SNX8: variants seen among roughly 807,000 people sequenced by gnomAD.
SNX8 encodes sorting nexin-8.
Under a neutral mutation model 51.6 loss-of-function variants are expected in SNX8, and 25 were observed. That is an observed-to-expected ratio of 0.48 (90% confidence interval 0.35 to 0.68). The LOEUF is 0.68. Among genes scored for constraint, SNX8 ranks in the 30% least tolerant of loss-of-function variants. SNX8 has a pLI of 0.00. For missense variants in SNX8, 695 were observed against 624.0 expected (o/e 1.11, Z -1.21); for synonymous variants, 324 against 277.0 (o/e 1.17, Z -1.68).
At chr7:2,318,001 A>C (rs1796782636), upstream of SNX8, among the ~76,000 whole-genome samples, 1 of 152,094 alleles carries the variant, frequency 6.6e-6, no homozygotes, top group Admixed American at 6.6e-5. Flanking sequence ...TAATGTACTC[A>C]GCACTTTCCC....
intron 1 of SNX8, among the ~76,000 whole-genome samples, chr7:2,297,733 T>C (rs1383720486): frequency 1.3e-5 from 2 of 151,742 alleles, no homozygotes; most frequent in Non-Finnish European, 2.9e-5. Context: ...ATCATGTCTT[T>C]TGCAGCAACT....
chr7:2,284,997 G>A (rs1403787744), intron 1 of SNX8, among the ~76,000 whole-genome samples: 2 of 151,880 alleles, frequency 1.3e-5, no homozygotes, highest in African/African-American at 2.4e-5. Context: ...CGGATCACAA[G>A]GTCAGGAGAT....
chr7:2,342,432 T>A (rs1397412348), intron 1 of SNX8, among the ~76,000 whole-genome samples: 1 of 152,010 alleles, frequency 6.6e-6, no homozygotes, highest in African/African-American at 2.4e-5. Flanking sequence ...GGAGGGCGGA[T>A]CACTTGAGGT....
At chr7:2,343,953 A>T (rs1778976960) in intron 1 of SNX8, among the ~76,000 whole-genome samples, 1 of 151,570 alleles carries the variant, frequency 6.6e-6, no homozygotes, top group Admixed American at 6.6e-5. Flanking sequence ...GAATCGCTTG[A>T]ACTGGGGAGG....
At chr7:2,351,059 G>T (rs1038370030) in intron 1 of SNX8, among the ~76,000 whole-genome samples, 3 of 152,126 alleles carry the variant, frequency 2.0e-5, no homozygotes, top group African/African-American at 7.2e-5. Context: ...TGAGGCTGCA[G>T]TGAGCCATGA....
intron 1 of SNX8, among the ~76,000 whole-genome samples, chr7:2,278,675 T>C (rs1795842849): frequency 8.2e-6 from 1 of 121,522 alleles, no homozygotes; most frequent in Non-Finnish European, 1.7e-5. Flanking sequence ...GACGCCGGAC[T>C]CACTCACACT....
intron 1 of SNX8, among the ~76,000 whole-genome samples, chr7:2,311,066 TA>T (rs1484293088): frequency 2.0e-5 from 3 of 152,220 alleles, no homozygotes; most frequent in Admixed American, 2.0e-4. Context: ...ATTAAGTTTT[TA>T]TAAAGAGGGT....
chr7:2,342,035 G>A (rs1055505409), intron 1 of SNX8, among the ~76,000 whole-genome samples: 6 of 150,878 alleles, frequency 4.0e-5, no homozygotes, highest in Non-Finnish European at 5.9e-5. Context: ...TGAGACGGGC[G>A]GATCACAAGA....
At chr7:2,323,035 A>C (rs1025407371) in intron 1 of SNX8, among the ~76,000 whole-genome samples, 4 of 151,468 alleles carry the variant, frequency 2.6e-5, no homozygotes, top group Non-Finnish European at 5.9e-5. Context: ...TAAATAAATA[A>C]ATAAATGGTG....
intron 1 of SNX8, among the ~76,000 whole-genome samples, chr7:2,289,027 G>A (rs1419573861): frequency 1.3e-5 from 2 of 152,284 alleles, no homozygotes; most frequent in East Asian, 3.9e-4. Context: ...GTGAGCCTCT[G>A]CACCTGGCTT....
In SNX8 at chr7:2,298,755, G is replaced by A. The variant is rs141590561; in HGVS notation, c.94+15573C>T. Among the ~76,000 whole-genome samples, 936 of 150,968 alleles carry A rather than the reference G, an allele frequency of 6.2e-3. 25 individuals carry two copies. The highest frequency in any genetic ancestry group is 0.021 in the African/African-American group (844 of 40,874). Reference sequence around the variant, plus strand: ...CCCCCAGCCTGGAGTGCAGTGGCACGATCTCAGCTCACTGCAACCTCCACC... The same window carrying A: ...CCCCCAGCCTGGAGTGCAGTGGCACAATCTCAGCTCACTGCAACCTCCACC... On this transcript the variant is annotated intron_variant, in intron 1 of 10. Transcript: ENST00000222990.
intron 2 of SNX8, 62 bp from the exon 3 acceptor site, chr7:2,275,291 C>T: frequency 8.9e-7 from 1 of 1,122,044 alleles, no homozygotes; most frequent in Non-Finnish European, 1.4e-6. Context: ...CGTCACTTCC[C>T]CTCAACAGAG....
At chr7:2,314,249 G>A in intron 1 of SNX8, 79 bp downstream of exon 1, 1 of 1,205,214 alleles carries the variant, frequency 8.3e-7, no homozygotes, top group Non-Finnish European at 1.0e-6. Flanking sequence ...ACCAAGCGCG[G>A]CGGCTGAGCC....
chr7:2,342,665 A>T (rs561306287), intron 1 of SNX8, among the ~76,000 whole-genome samples: 18 of 151,982 alleles, frequency 1.2e-4, no homozygotes, highest in Admixed American at 1.2e-3. Flanking sequence ...CAAAAAAAAA[A>T]AAAGGATAGA....
chr7:2,307,494 C>G (rs1228134559), intron 1 of SNX8, among the ~76,000 whole-genome samples: 1 of 151,634 alleles, frequency 6.6e-6, no homozygotes, highest in Non-Finnish European at 1.5e-5. Context: ...TAGCCAGGTG[C>G]GGTGGTGGAC....
intron 3 of SNX8, among the ~76,000 whole-genome samples, chr7:2,274,173 G>A (rs147703809): frequency 7.2e-5 from 11 of 152,370 alleles, no homozygotes; most frequent in African/African-American, 2.4e-4. Flanking sequence ...CCTTCAGCGT[G>A]AGCTGAATGA....
intron 2 of SNX8, among the ~76,000 whole-genome samples, chr7:2,277,345 G>A (rs1795803155): frequency 6.6e-6 from 1 of 152,212 alleles, no homozygotes; most frequent in African/African-American, 2.4e-5. Flanking sequence ...GGGGATTAGA[G>A]TGACACATAT....
chr7:2,303,235 G>C (rs1796451788), intron 1 of SNX8, among the ~76,000 whole-genome samples: 1 of 140,172 alleles, frequency 7.1e-6, no homozygotes, highest in Non-Finnish European at 1.5e-5. Flanking sequence ...AGGGAGGTCA[G>C]GGGGTCAGCC....
At chr7:2,317,796 T>C (rs1003578409), upstream of SNX8, among the ~76,000 whole-genome samples, 2 of 152,110 alleles carry the variant, frequency 1.3e-5, no homozygotes, top group East Asian at 1.9e-4. Context: ...AGGCACACCA[T>C]TGATGCTCTC....
Sources: allele counts gnomAD v4.1 joint callset (sites outside exome capture counted in the v4.1 genomes callset), GRCh38; gene constraint gnomAD v4.1.1; transcripts MANE v1.5; gene names NCBI Gene and HGNC (gene_info 2026-07-23, HGNC 2026-07-21).